Variants in TM4SF19 observed in about 807,000 individuals in gnomAD.
TM4SF19 encodes the protein transmembrane 4 L6 family member 19.
TM4SF19 carries 17 observed loss-of-function variants against 21.8 expected under a neutral mutation model. The ratio of observed to expected loss-of-function variants is 0.78; its 90% CI spans 0.53 to 1.17. The LOEUF (loss-of-function observed/expected upper bound fraction) is 1.17. TM4SF19 is among the 50% of genes most tolerant of loss of function. The pLI, the probability that TM4SF19 is intolerant of heterozygous loss-of-function variation, is 0.00. For missense variants in TM4SF19, 216 were observed against 252.1 expected, an observed-to-expected ratio of 0.86 and a Z score of 0.97; for synonymous variants, 107 against 106.7, an observed-to-expected ratio of 1.00 and a Z score of -0.02.
chr3:196,332,126 C>T (rs1727540280), intron 1 of TM4SF19, among the ~76,000 whole-genome samples: 1 of 151,950 alleles, frequency 6.6e-6, no homozygotes, highest in Non-Finnish European at 1.5e-5. Flanking sequence ...AAAAAATTAG[C>T]TGGGCATGGT....
At chr3:196,324,222 C>CTG in intron 4 of TM4SF19, 49 bp downstream of exon 4, 2 of 1,589,824 alleles carry the variant, frequency 1.3e-6, no homozygotes, top group Non-Finnish European at 1.7e-6. Flanking sequence ...TTTTGTCTCT[C>CTG]TCTCTCTCTC....
chr3:196,333,042 C>G (rs1727584488), intron 1 of TM4SF19, among the ~76,000 whole-genome samples: 1 of 152,040 alleles, frequency 6.6e-6, no homozygotes. Context: ...GAGACAGGGT[C>G]TCACTATGTT....
In TM4SF19 at chr3:196,329,197, C is replaced by G. The variant is rs938555267; in HGVS notation, c.-1-1606G>C. ...GACCTCGTGATCCGCCTGTCTCGGG[C>G]TCCCAAAGTGCTGGGATTACAGGCA... On this transcript the variant is annotated intron_variant, in intron 1 of 4. Transcript: ENST00000273695. 1.4e-4 allele frequency among the ~76,000 whole-genome samples: 18 copies of G among 126,852 alleles called. 3 individuals are homozygous for G. Among genetic ancestry groups the G allele is most frequent in the African/African-American group, 4.2e-4 (16 of 37,790 alleles). The allele number at this position is 126,852 out of a possible 152,430, so 83.2% of individuals were successfully genotyped here. A position where few individuals can be genotyped will look rare whatever the true frequency, so the allele number is the denominator to read the frequency against.
At chr3:196,327,152 C>G in intron 2 of TM4SF19, 120 bp from the exon 3 acceptor site, 1 of 844,816 alleles carries the variant, frequency 1.2e-6, no homozygotes, top group Non-Finnish European at 1.9e-6. Flanking sequence ...TTGACTCTGA[C>G]TCTGGGGACC....
At chr3:196,337,649 G>A (rs538517730) in intron 1 of TM4SF19, among the ~76,000 whole-genome samples, 1 of 152,176 alleles carries the variant, frequency 6.6e-6, no homozygotes, top group Non-Finnish European at 1.5e-5. Flanking sequence ...AACACACTGC[G>A]CATGCGGCCC....
At chr3:196,331,319 A>T (rs1727497588) in intron 1 of TM4SF19, among the ~76,000 whole-genome samples, 1 of 150,612 alleles carries the variant, frequency 6.6e-6, no homozygotes, top group Non-Finnish European at 1.5e-5. Context: ...GAATTAAAAT[A>T]GGACTAGTAA....
chr3:196,332,474 A>C, intron 1 of TM4SF19, among the ~76,000 whole-genome samples: 1 of 148,846 alleles, frequency 6.7e-6, no homozygotes, highest in Non-Finnish European at 1.5e-5. Context: ...GAAGGAAGGA[A>C]AGAGGAAGGG....
At chr3:196,333,302 G>A (rs1727598475) in intron 1 of TM4SF19, among the ~76,000 whole-genome samples, 1 of 152,202 alleles carries the variant, frequency 6.6e-6, no homozygotes, top group African/African-American at 2.4e-5. Context: ...ACCACTATAA[G>A]TAGAGGACTG....
Position 196,324,303 on chromosome 3 carries a change from T to C in TM4SF19, c.417A>G (p.Lys139=). ...GCAGGTCTTTGAATGGGTAACCATA[T>C]TTCCAAGCTTGTGTCTGATTGAAGG... ...VSSFNQTQAW[K]YGYPFKDLHS... is the part of the protein sequence containing the mutation. The change falls in exon 4 of 5, where the codon AAA becomes AAG. Residue 139 remains lysine, a synonymous_variant. Transcript: ENST00000273695. 1 of 1,614,208 alleles carries C rather than the reference T, an allele frequency of 6.2e-7. No individual in the cohort carries two copies.
At position 196,338,384 on chromosome 3, in the gene TM4SF19, T is replaced by G. The variant is rs1385802308; in HGVS notation, c.-122A>C. On this transcript the variant is annotated 5_prime_UTR_variant, in exon 1 of 5. Transcript: ENST00000273695. The stretch of plus-strand genomic sequence containing the variant: ...GACCTGAAGGTTGTCTTTCCAGGAC[T>G]CTTTCCAGGAGGGCCAGGGAGGCTC... 1 of 152,392 alleles carries G rather than the reference T, an allele frequency of 6.6e-6. No individual in the cohort carries two copies. The highest frequency in any genetic ancestry group is 1.5e-5 in the Non-Finnish European group (1 of 68,190). The allele number at this position is 152,392 out of a possible 1,614,324, so 9.4% of individuals were successfully genotyped here.
intron 3 of TM4SF19, 45 bp downstream of exon 3, chr3:196,326,910 G>A (rs1727312244): frequency 6.5e-7 from 1 of 1,544,568 alleles, no homozygotes; most frequent in Admixed American, 1.7e-5. Flanking sequence ...GAGTAATAGA[G>A]GTGGAGACAT....
In TM4SF19 at chr3:196,337,632, T is replaced by C. The variant is rs117681397; in HGVS notation, c.-2+632A>G. On this transcript the variant is annotated intron_variant, in intron 1 of 4. Coordinates refer to ENST00000273695, the MANE Select transcript of TM4SF19 (RefSeq NM_138461.4). The stretch of plus-strand genomic sequence containing the variant: ...CGCCTCAAGTGAGCATGCGCACGAC[T>C]TCAGTAAACACACTGCGCATGCGGC... Among the ~76,000 whole-genome samples, 188 of 152,264 alleles carry C rather than the reference T, an allele frequency of 1.2e-3. 2 individuals are homozygous for C. The East Asian group carries it at 0.029, about 23-fold the overall frequency.
chr3:196,335,968 TG>T (rs774106823), intron 1 of TM4SF19, among the ~76,000 whole-genome samples: 8 of 152,080 alleles, frequency 5.3e-5, no homozygotes, highest in Non-Finnish European at 1.2e-4. Context: ...CTCTAGATCA[TG>T]GGGCCAGGAG....
At chr3:196,330,140 C>T (rs968183901) in intron 1 of TM4SF19, among the ~76,000 whole-genome samples, 6 of 128,462 alleles carry the variant, frequency 4.7e-5, no homozygotes, top group African/African-American at 1.1e-4. Context: ...CCACCGCGCG[C>T]GGTGGTTTTG....
In TM4SF19 at chr3:196,324,028, A is replaced by G. The variant is rs1398836188; in HGVS notation, c.450-31T>C. ...CCAAAAAATAAGGAGACCAGGGGTC[A>G]GGCGATAAGTAAGGAAAGCCAAACA... On this transcript the variant is annotated intron_variant, in intron 4 of 4. Transcript: ENST00000273695. 8 of 1,609,632 alleles carry G rather than the reference A, an allele frequency of 5.0e-6. No individual in the cohort carries two copies. In the East Asian group the frequency reaches 1.8e-4, roughly 36 times the overall value.
chr3:196,327,638 T>A, intron 1 of TM4SF19, 47 bp from the exon 2 acceptor site: 2 of 1,522,446 alleles, frequency 1.3e-6, no homozygotes, highest in Non-Finnish European at 9.1e-7. Flanking sequence ...TGTGGGGGGA[T>A]GGGGAAGGGA....
intron 1 of TM4SF19, among the ~76,000 whole-genome samples, chr3:196,337,654 CG>C (rs1261716412): frequency 6.6e-6 from 1 of 152,214 alleles, no homozygotes; most frequent in South Asian, 2.1e-4. Flanking sequence ...ACTGCGCATG[CG>C]GCCCCTCCCA....
At position 196,324,402 on chromosome 3, in the gene TM4SF19, A is replaced by G; in HGVS notation, c.318T>C (p.Leu106=). Residue 106 remains leucine (L), a synonymous_variant, in exon 4 of 5, where the codon CTT becomes CTC. Transcript: ENST00000273695. ...AAGTGACAAAGCAAATCAGGGCTCCAAGTAAAGCCAGGCCACCTGACAACA... is the reference window on the plus strand; with the variant it reads ...AAGTGACAAAGCAAATCAGGGCTCCGAGTAAAGCCAGGCCACCTGACAACA... The part of the protein sequence containing the change: ...TALLSGGLAL[L]GALICFVTSG... 1 of 1,614,196 alleles carries G rather than the reference A, an allele frequency of 6.2e-7. No individual in the cohort carries two copies. Among genetic ancestry groups the G allele is most frequent in the Non-Finnish European group, 8.5e-7 (1 of 1,180,034 alleles).
At chr3:196,332,732 T>C (rs1254906206) in intron 1 of TM4SF19, among the ~76,000 whole-genome samples, 1 of 152,052 alleles carries the variant, frequency 6.6e-6, no homozygotes, top group Non-Finnish European at 1.5e-5. Context: ...CTTCTCCACT[T>C]ATGATGGGGT....
Sources: gnomAD v4.1 joint callset for allele counts (sites outside exome capture counted in the v4.1 genomes callset) on GRCh38, gnomAD v4.1.1 for gene constraint, MANE v1.5 for transcripts, NCBI Gene and HGNC (gene_info 2026-07-23, HGNC 2026-07-21) for gene names.